Variants in INCENP observed in about 807,000 individuals in gnomAD.
The protein encoded by INCENP is inner centromere protein.
In INCENP, 43 loss-of-function variants were observed where a neutral mutation model predicts 107.3. That is an observed-to-expected ratio of 0.40 (90% CI 0.31 to 0.52). INCENP has a LOEUF of 0.52. Among genes scored for constraint, INCENP ranks in the 20% least tolerant of loss-of-function variants. The probability of loss-of-function intolerance (pLI) is 0.53; values close to 1 mark genes in which losing one functional copy is unlikely to be tolerated. For missense variants in INCENP, 1,089 were observed against 1,250.9 expected (o/e 0.87, Z 1.95); for synonymous variants, 488 against 494.4 (o/e 0.99, Z 0.17).
chr11:62,137,668 C>G (rs568406142), intron 4 of INCENP, among the ~76,000 whole-genome samples, 164 bp from the exon 5 acceptor site: 1 of 152,242 alleles, frequency 6.6e-6, no homozygotes, highest in African/African-American at 2.4e-5. Flanking sequence ...GATAAGGACA[C>G]TAGTATGAGT....
chr11:62,125,207 G>A (rs1030394970), intron 1 of INCENP, among the ~76,000 whole-genome samples: 2 of 152,060 alleles, frequency 1.3e-5, no homozygotes, highest in African/African-American at 2.4e-5. Context: ...TCTTTTTCAG[G>A]GTCACCTCTG....
chr11:62,147,339 T>G (rs1424776720), intron 15 of INCENP, among the ~76,000 whole-genome samples: 1 of 152,194 alleles, frequency 6.6e-6, no homozygotes, highest in Non-Finnish European at 1.5e-5. Flanking sequence ...ACCGATATTT[T>G]CAGACTGTTC....
chr11:62,135,456 G>A (rs961345220), intron 4 of INCENP, among the ~76,000 whole-genome samples: 5 of 151,962 alleles, frequency 3.3e-5, no homozygotes, highest in Non-Finnish European at 5.9e-5. Flanking sequence ...GTAGAGACGG[G>A]GTTTCACCAT....
chr11:62,146,787 C>CA lies in INCENP; in HGVS notation c.2089_2090insA (p.Arg697GlnfsTer73), dbSNP rs753327073. On this transcript the variant is annotated frameshift_variant, in exon 15 of 19. Coordinates refer to ENST00000394818, the MANE Select transcript of INCENP (RefSeq NM_001040694.2). LOFTEE classifies it high-confidence loss of function. ...GGAGCAGGAGCGGCGGGAGCAGGAG[C>CA]GGCGCGAGCAGGAGCGGCGCGAGCA... The CA allele has an allele frequency of 1.3e-5, 20 of 1,529,106 alleles. No individual in the cohort carries two copies. In the East Asian group the frequency reaches 4.0e-4, roughly 30 times the overall value. The allele number at this position is 1,529,106 out of a possible 1,614,324, so 94.7% of individuals were successfully genotyped here. A position where few individuals can be genotyped will look rare whatever the true frequency, so the allele number is the denominator to read the frequency against.
At chr11:62,149,330 G>A (rs1792886) in intron 17 of INCENP, among the ~76,000 whole-genome samples, 131,091 of 152,066 alleles carry the variant, frequency 0.86, 57,259 homozygotes, top group Admixed American at 0.92. Context: ...AGTTTTGATG[G>A]CTGTGTACCT....
In INCENP at chr11:62,148,765, G is replaced by T. The variant is rs777632736; in HGVS notation, c.2310G>T (p.Arg770=). The T allele has an allele frequency of 1.2e-6, 2 of 1,602,144 alleles. No individual in the cohort carries two copies. The highest frequency in any genetic ancestry group is 1.7e-6 in the Non-Finnish European group (2 of 1,174,896). The change falls in exon 17 of 19, where the codon CGG becomes CGT. Residue 770 remains arginine, a synonymous_variant. Transcript: ENST00000394818. ...KKEEQQRLAE[R]QLQEEQEKKA... is the part of the protein sequence containing the mutation. ...AAGAGCAGCAGCGTCTGGCTGAGCG[G>T]CAGCTGCAGGAGGAGCAAGAGAAGA...
At chr11:62,145,353 C>G (rs1484832435) in intron 13 of INCENP, 64 bp downstream of exon 13, 7 of 1,598,296 alleles carry the variant, frequency 4.4e-6, no homozygotes, top group African/African-American at 2.7e-5. Flanking sequence ...AGGACTGGAC[C>G]CCTCAGGAAA....
rs200099056 is a variant in INCENP, at chr11:62,140,905, G to C, written c.1462-8G>C. ...CTGCCCACTTCTGACCCTGGTCCTC[G>C]TCTGCAGGTGGTACGGCCCCTCCGG... On this transcript the variant is annotated splice_polypyrimidine_tract_variant and splice_region_variant and intron_variant, in intron 9 of 18. Coordinates refer to ENST00000394818, the MANE Select transcript of INCENP (RefSeq NM_001040694.2). 1 of 1,614,086 alleles carries C rather than the reference G, an allele frequency of 6.2e-7. No individual in the cohort carries two copies.
At position 62,141,369 on chromosome 11, in the gene INCENP, C is replaced by T. The variant is rs757285955; in HGVS notation, c.1594-131C>T. The T allele has an allele frequency of 2.1e-4, 244 of 1,154,944 alleles. 2 individuals are homozygous for T. The Middle Eastern group carries it at 2.7e-3, about 13-fold the overall frequency. 71.5% of individuals were successfully genotyped at this position (1,154,944 alleles called of 1,614,324 possible). A position where few individuals can be genotyped will look rare whatever the true frequency, so the allele number is the denominator to read the frequency against. On this transcript the variant is annotated intron_variant, in intron 10 of 18. Transcript: ENST00000394818. ...GGTGAGGGTTGGGTGACAGGAGAGG[C>T]GGTGGGGGTGCTGCTGGCAGGAGGG...
At chr11:62,150,036 C>G (rs373293658) in intron 17 of INCENP, 21 bp from the exon 18 acceptor site, 2 of 1,611,588 alleles carry the variant, frequency 1.2e-6, no homozygotes, top group East Asian at 4.5e-5. Context: ...AGGGAACTGA[C>G]GGCCACGTTT....
Position 62,130,533 on chromosome 11 carries a change from A to C in INCENP, c.1006A>C (p.Ser336Arg). Residue 336 changes from serine (S) to arginine (R), a missense_variant, in exon 4 of 19, where the codon AGC becomes CGC. By Grantham distance (110) the Ser-to-Arg change is moderately radical. Coordinates refer to ENST00000394818, the MANE Select transcript of INCENP (RefSeq NM_001040694.2). The part of the protein sequence containing the change: ...AKQESVVRRA[S>R]RRLAKKTAEE... ...ACAGGAAAGTGTTGTCCGCAGGGCG[A>C]GCAGAAGGCTTGCCAAGAAGACTGC... 1 of 1,613,984 alleles carries C rather than the reference A, an allele frequency of 6.2e-7. No individual in the cohort carries two copies. The highest frequency in any genetic ancestry group is 1.3e-5 in the African/African-American group (1 of 75,048).
rs1792944 is a variant in INCENP at position 62,129,725 on chromosome 11, C to T, written c.255-57C>T. 865,826 of 1,415,840 alleles carry T rather than the reference C, an allele frequency of 0.61. 283,002 individuals are homozygous for T. The highest frequency in any genetic ancestry group is 0.68 in the Non-Finnish European group (712,890 of 1,041,082). The allele number at this position is 1,415,840 out of a possible 1,614,324, so 87.7% of individuals were successfully genotyped here. ...TCCAAGCTGGTGGCTCTTGGAGAGA[C>T]TGGGTGCCACCCTGTCCTGCTGCCC... On this transcript the variant is annotated intron_variant, in intron 3 of 18. Coordinates refer to ENST00000394818, the MANE Select transcript of INCENP (RefSeq NM_001040694.2).
chr11:62,135,479 G>C (rs1382551198), intron 4 of INCENP, among the ~76,000 whole-genome samples: 1 of 151,958 alleles, frequency 6.6e-6, no homozygotes, highest in African/African-American at 2.4e-5. Flanking sequence ...TGCCAGGCTG[G>C]TCTCAAACTC....
At chr11:62,139,655 C>T (rs1451622512) in intron 7 of INCENP, among the ~76,000 whole-genome samples, 1 of 152,226 alleles carries the variant, frequency 6.6e-6, no homozygotes, top group Non-Finnish European at 1.5e-5. Flanking sequence ...CAAAACAATA[C>T]TGACCCTACA....
chr11:62,134,846 T>C (rs1338177438), intron 4 of INCENP, among the ~76,000 whole-genome samples: 1 of 152,180 alleles, frequency 6.6e-6, no homozygotes, highest in Non-Finnish European at 1.5e-5. Flanking sequence ...GGTTAAGAGA[T>C]TGAGACTGTC....
chr11:62,135,730 C>T (rs1289541554), intron 4 of INCENP, among the ~76,000 whole-genome samples: 1 of 152,128 alleles, frequency 6.6e-6, no homozygotes, highest in African/African-American at 2.4e-5. Context: ...CAGAAAAGTC[C>T]TTAGATATTA....
At chr11:62,140,198 G>A (rs758694120) in intron 7 of INCENP, 36 bp from the exon 8 acceptor site, 95 of 1,607,376 alleles carry the variant, frequency 5.9e-5, no homozygotes, top group South Asian at 7.7e-5. Flanking sequence ...CGCCGCCATC[G>A]TTTCTGCAGC....
intron 11 of INCENP, 122 bp downstream of exon 11, chr11:62,141,633 T>A: frequency 7.5e-7 from 1 of 1,337,246 alleles, no homozygotes; most frequent in Non-Finnish European, 1.1e-6. Context: ...GAGGGGAGCC[T>A]TAGGAAGAGA....
chr11:62,125,696 ACCT>A (rs554211284), intron 1 of INCENP, among the ~76,000 whole-genome samples: 140 of 152,318 alleles, frequency 9.2e-4, no homozygotes, highest in African/African-American at 3.2e-3. Flanking sequence ...TGGGATGAGC[ACCT>A]ATAGGATGTT....
Sources: gnomAD v4.1 joint callset for allele counts (sites outside exome capture counted in the v4.1 genomes callset) on GRCh38, gnomAD v4.1.1 for gene constraint, MANE v1.5 for transcripts, NCBI Gene and HGNC (gene_info 2026-07-23, HGNC 2026-07-21) for gene names.